Variants in IFT74 observed in about 807,000 individuals in gnomAD.
The protein encoded by IFT74 is intraflagellar transport protein 74 homolog.
A neutral mutation model predicts 96.7 loss-of-function variants in IFT74; 92 were observed. The observed-to-expected ratio is 0.95, with a 90% CI of 0.80 to 1.13. The LOEUF is 1.13. Among genes scored for constraint, IFT74 ranks in the 50% most tolerant of loss-of-function variants. IFT74 has a pLI of 0.00. For missense variants in IFT74, 811 were observed against 698.2 expected (o/e 1.16, Z -1.82); for synonymous variants, 223 against 213.2 (o/e 1.05, Z -0.40).
chr9:27,044,675 G>C (rs1266257638), intron 13 of IFT74, 67 bp from the exon 14 acceptor site: 2 of 881,290 alleles, frequency 2.3e-6, no homozygotes, highest in Non-Finnish European at 3.7e-6. Context: ...ACCAAAGAGA[G>C]ATTTTTAATT....
Position 27,065,560 on chromosome 9 carries a change from T to C in IFT74, c.*2824T>C, listed in dbSNP as rs1228816351. ...TAAACATGAGTTCTTGATATTCTTT[T>C]TCCTGTGGAGCCCCTCGTTTGGACA... On this transcript the variant is annotated 3_prime_UTR_variant, in exon 20 of 20. Coordinates refer to ENST00000380062, the MANE Select transcript of IFT74 (RefSeq NM_025103.4). Among the ~76,000 whole-genome samples, 2 of 152,222 alleles carry C rather than the reference T, an allele frequency of 1.3e-5. No homozygotes were observed. Among genetic ancestry groups the C allele is most frequent in the Non-Finnish European group, 2.9e-5 (2 of 68,024 alleles).
intron 8 of IFT74, among the ~76,000 whole-genome samples, chr9:26,996,669 T>C (rs1216757730): frequency 6.6e-6 from 1 of 152,212 alleles, no homozygotes; most frequent in Non-Finnish European, 1.5e-5. Flanking sequence ...CACATTTCTG[T>C]TTATTATTTT....
chr9:27,021,628 T>C (rs1829607849), intron 12 of IFT74, among the ~76,000 whole-genome samples: 1 of 152,232 alleles, frequency 6.6e-6, no homozygotes, highest in Admixed American at 6.5e-5. Flanking sequence ...GTATATCTTC[T>C]TTTGAGAGTC....
At chr9:27,048,627 A>G (rs1201132188) in intron 16 of IFT74, among the ~76,000 whole-genome samples, 1 of 152,218 alleles carries the variant, frequency 6.6e-6, no homozygotes, top group Non-Finnish European at 1.5e-5. Flanking sequence ...TGATTTGTAC[A>G]GAGGTGATTG....
chr9:26,953,824 C>G (rs537176758), upstream of IFT74, among the ~76,000 whole-genome samples: 1 of 152,270 alleles, frequency 6.6e-6, no homozygotes, highest in South Asian at 2.1e-4. Context: ...AATTTATTTT[C>G]TTAAAAAACC....
At chr9:27,014,591 G>T (rs569180703) in intron 10 of IFT74, among the ~76,000 whole-genome samples, 199 of 152,074 alleles carry the variant, frequency 1.3e-3, no homozygotes, top group African/African-American at 4.5e-3. Flanking sequence ...TTTAACTTTT[G>T]CCAGATTTCT....
chr9:26,953,801 C>T (rs569634055), upstream of IFT74, among the ~76,000 whole-genome samples: 12 of 148,626 alleles, frequency 8.1e-5, no homozygotes, highest in African/African-American at 3.0e-4. Context: ...TGAGCCACCA[C>T]ACCTGGCCAA....
At chr9:26,953,456 T>C (rs2131457808), upstream of IFT74, among the ~76,000 whole-genome samples, 1 of 152,344 alleles carries the variant, frequency 6.6e-6, no homozygotes. Flanking sequence ...TGTGAATATA[T>C]GCTCACTTCC....
At chr9:27,021,581 G>A (rs1829604773) in intron 12 of IFT74, among the ~76,000 whole-genome samples, 1 of 152,122 alleles carries the variant, frequency 6.6e-6, no homozygotes, top group Admixed American at 6.5e-5. Flanking sequence ...CCCTGATAAT[G>A]ATGTTGAGCA....
intron 13 of IFT74, among the ~76,000 whole-genome samples, chr9:27,031,772 AAAAT>A (rs1830138517): frequency 6.9e-6 from 1 of 145,654 alleles, no homozygotes; most frequent in Non-Finnish European, 1.5e-5. Flanking sequence ...AAAATAAAAT[AAAAT>A]AAAATAAATA....
intron 15 of IFT74, 63 bp downstream of exon 15, chr9:27,047,434 C>A: frequency 3.1e-6 from 3 of 971,704 alleles, no homozygotes; most frequent in Admixed American, 2.4e-5. Context: ...TTTCCAAATA[C>A]AACTCAAAAA....
chr9:27,006,827 G>A (rs1454133965), intron 8 of IFT74, among the ~76,000 whole-genome samples: 2 of 135,554 alleles, frequency 1.5e-5, no homozygotes, highest in African/African-American at 2.7e-5. Context: ...ACTTATTATT[G>A]TGTGTTTTTT....
chr9:26,974,617 G>T (rs867623140), intron 2 of IFT74, among the ~76,000 whole-genome samples: 1 of 152,054 alleles, frequency 6.6e-6, no homozygotes. Flanking sequence ...GGTCTTAAGC[G>T]GGAAATTTTT....
rs141228502 is a variant in IFT74, at chr9:26,997,941, G to T, written c.587+7746G>T. The T allele has an allele frequency of 2.8e-4, 450 of 1,613,936 alleles. 2 individuals carry two copies. In the African/African-American group the frequency reaches 5.1e-3, roughly 18 times the overall value. On this transcript the variant is annotated intron_variant, in intron 8 of 19. Transcript: ENST00000380062. The stretch of plus-strand genomic sequence containing the variant: ...AGTTGTTCTATTTTGTTTTGGCAGA[G>T]ATATAACTGTTTTAGTTTATTTAAG...
intron 1 of IFT74, among the ~76,000 whole-genome samples, chr9:26,959,265 C>T (rs1448677372): frequency 1.3e-5 from 2 of 152,176 alleles, no homozygotes; most frequent in Admixed American, 1.3e-4. Context: ...CTCGCCACCA[C>T]ACCCGGCTAA....
At chr9:26,993,111 A>G (rs1270134251) in intron 8 of IFT74, 1 of 152,218 alleles carries the variant, frequency 6.6e-6, no homozygotes, top group Non-Finnish European at 1.5e-5. Flanking sequence ...CTGTAAAAAT[A>G]TATGTAATTA....
rs1221798242 is a variant in IFT74, at chr9:27,065,381, CAG to C, written c.*2646_*2647del. Among the ~76,000 whole-genome samples, 1 of 152,108 alleles carries C rather than the reference CAG, an allele frequency of 6.6e-6. No individual in the cohort carries two copies. Among genetic ancestry groups the C allele is most frequent in the Admixed American group, 6.5e-5 (1 of 15,272 alleles). On this transcript the variant is annotated 3_prime_UTR_variant, in exon 20 of 20. Coordinates refer to ENST00000380062, the MANE Select transcript of IFT74 (RefSeq NM_025103.4). ...CTCTTCCTGAGTCAGTCACATTACT[CAG>C]GGGGTTCCATTCATGCTAAAATAAC...
chr9:27,006,981 C>G (rs139256241), intron 8 of IFT74, among the ~76,000 whole-genome samples: 1 of 151,552 alleles, frequency 6.6e-6, no homozygotes, highest in African/African-American at 2.4e-5. Context: ...GGACTACAGG[C>G]GCCCACCATC....
chr9:27,011,930 T>G lies in IFT74; in HGVS notation c.751T>G (p.Leu251Val). The G allele has an allele frequency of 6.3e-7, 1 of 1,585,420 alleles. No individual in the cohort carries two copies. The highest frequency in any genetic ancestry group is 8.6e-7 in the Non-Finnish European group (1 of 1,166,732). ...GGAATTAGATACACTTCAACAACAA[T>G]TGGATTCACAGAACATGAAAAAAGA... ...LQELDTLQQQ[L>V]DSQNMKKESL... Residue 251 changes from leucine to valine, a missense_variant, in exon 10 of 20, where the codon TTG becomes GTG. Physicochemically the swap from Leu to Val is conservative, Grantham distance 32 (BLOSUM62 1). Transcript: ENST00000380062.
Sources: gnomAD v4.1 joint callset for allele counts (sites outside exome capture counted in the v4.1 genomes callset) on GRCh38, gnomAD v4.1.1 for gene constraint, MANE v1.5 for transcripts, NCBI Gene and HGNC (gene_info 2026-07-23, HGNC 2026-07-21) for gene names.